The following ECPAS variants were observed in gnomAD, a reference collection of about 807,000 sequenced individuals.
ECPAS encodes Ecm29 proteasome adaptor and scaffold, also known as proteasome adapter and scaffold protein ECM29.
ECPAS carries 70 observed loss-of-function variants against 255.1 expected under a neutral mutation model. That is an observed-to-expected ratio of 0.27 (90% CI 0.23 to 0.33). The LOEUF (loss-of-function observed/expected upper bound fraction) is 0.33, where lower values mean the gene tolerates loss of function less well. Among genes scored for constraint, ECPAS ranks in the 10% least tolerant of loss-of-function variants. The pLI is 1.00. For synonymous variants in ECPAS, 784 were observed against 775.0 expected, an observed-to-expected ratio of 1.01 and a Z score of -0.19; for missense variants, 1,817 against 2,206.4, an observed-to-expected ratio of 0.82 and a Z score of 3.54.
At chr9:111,471,479 G>A (rs2098288080) in intron 2 of ECPAS, among the ~76,000 whole-genome samples, 2 of 152,086 alleles carry the variant, frequency 1.3e-5, no homozygotes, top group Non-Finnish European at 2.9e-5. Flanking sequence ...CCAAAACATA[G>A]TAGAATGCAT....
chr9:111,383,651 T>C (rs866131239), intron 34 of ECPAS, among the ~76,000 whole-genome samples: 3 of 152,200 alleles, frequency 2.0e-5, no homozygotes, highest in Non-Finnish European at 4.4e-5. Context: ...CTGGGTGCAG[T>C]AGCCGGCGCC....
chr9:111,474,454 TAA>T (rs1050999330), intron 1 of ECPAS, among the ~76,000 whole-genome samples: 2 of 152,218 alleles, frequency 1.3e-5, no homozygotes, highest in Non-Finnish European at 2.9e-5. Flanking sequence ...ACTCAGACCC[TAA>T]GTTTCTTTTT....
At chr9:111,432,446 T>A (rs1171124665) in intron 8 of ECPAS, among the ~76,000 whole-genome samples, 7 of 152,104 alleles carry the variant, frequency 4.6e-5, no homozygotes, top group African/African-American at 1.7e-4. Flanking sequence ...AAATCCCATT[T>A]CTACCAAAAA....
chr9:111,366,360 A>T (rs1388249407), intron 47 of ECPAS, 33 bp from the exon 48 acceptor site: 1 of 1,488,016 alleles, frequency 6.7e-7, no homozygotes, highest in Non-Finnish European at 9.2e-7. Flanking sequence ...TACAAATGCC[A>T]ATTATTAAGA....
intron 9 of ECPAS, among the ~76,000 whole-genome samples, chr9:111,428,457 C>CA (rs577179275): frequency 2.6e-5 from 4 of 151,678 alleles, no homozygotes; most frequent in African/African-American, 4.8e-5. Context: ...TTTTCCAAAG[C>CA]AAAAAAAATT....
intron 23 of ECPAS, among the ~76,000 whole-genome samples, chr9:111,409,408 A>T (rs539309349): frequency 6.6e-6 from 1 of 152,160 alleles, no homozygotes; most frequent in South Asian, 2.1e-4. Flanking sequence ...AAAAATACAA[A>T]AATTAGCTGG....
Position 111,385,318 on chromosome 9 carries a change from T to C in ECPAS, c.3633+19A>G, listed in dbSNP as rs1368522760. The C allele has an allele frequency of 6.2e-6, 7 of 1,134,388 alleles. No individual in the cohort carries two copies. Among genetic ancestry groups the C allele is most frequent in the Non-Finnish European group, 8.9e-6 (7 of 788,452 alleles). 70.3% of individuals were successfully genotyped at this position (1,134,388 alleles called of 1,614,324 possible). On this transcript the variant is annotated intron_variant, in intron 33 of 49. Coordinates refer to ENST00000684092, the MANE Select transcript of ECPAS (RefSeq NM_001364929.1). Reference sequence around the variant, plus strand: ...TTTAACTTTTTGTATATATAAATGCTGATTTATTTCTATAATACCTTGATA... The same window carrying C: ...TTTAACTTTTTGTATATATAAATGCCGATTTATTTCTATAATACCTTGATA...
intron 16 of ECPAS, among the ~76,000 whole-genome samples, chr9:111,418,645 G>C (rs1052069979): frequency 1.3e-5 from 2 of 152,186 alleles, no homozygotes; most frequent in African/African-American, 4.8e-5. Flanking sequence ...ATTTTCATTT[G>C]ACCTGAATGG....
At chr9:111,473,926 CACTGT>C (rs1438683048) in intron 1 of ECPAS, among the ~76,000 whole-genome samples, 1 of 152,090 alleles carries the variant, frequency 6.6e-6, no homozygotes, top group African/African-American at 2.4e-5. Context: ...GAAATCACAC[CACTGT>C]ACTTCAGCCT....
chr9:111,429,941 G>A (rs62569881), intron 9 of ECPAS, among the ~76,000 whole-genome samples: 6,499 of 152,236 alleles, frequency 0.043, 219 homozygotes, highest in South Asian at 0.17. Flanking sequence ...AAGAACTCAC[G>A]TTAGTAAGGC....
At chr9:111,393,426 A>G (rs1057318497) in intron 27 of ECPAS, among the ~76,000 whole-genome samples, 1 of 152,220 alleles carries the variant, frequency 6.6e-6, no homozygotes, top group African/African-American at 2.4e-5. Context: ...CCATTTTAAA[A>G]TGCAGAGTTG....
At chr9:111,452,696 CA>C (rs2098261883) in intron 2 of ECPAS, among the ~76,000 whole-genome samples, 1 of 152,106 alleles carries the variant, frequency 6.6e-6, no homozygotes, top group African/African-American at 2.4e-5. Flanking sequence ...ATAGATGGAT[CA>C]ATGACAGAGA....
chr9:111,445,102 C>T (rs7031574), intron 3 of ECPAS, among the ~76,000 whole-genome samples: 103,794 of 149,802 alleles, frequency 0.69, 36,337 homozygotes, highest in African/African-American at 0.8. Context: ...TTCAAGCAAT[C>T]CCCCTGCCTC....
At chr9:111,413,163 C>T (rs2098197414) in intron 20 of ECPAS, among the ~76,000 whole-genome samples, 1 of 152,186 alleles carries the variant, frequency 6.6e-6, no homozygotes, top group Non-Finnish European at 1.5e-5. Flanking sequence ...TCTGATACAG[C>T]TATTCCACTT....
chr9:111,440,345 C>G (rs748187482), intron 6 of ECPAS, 27 bp downstream of exon 6: 1 of 1,576,668 alleles, frequency 6.3e-7, no homozygotes, highest in Non-Finnish European at 8.6e-7. Flanking sequence ...CAGTCAAGAA[C>G]AAGGTTGCTT....
At chr9:111,459,830 A>C (rs935396770) in intron 2 of ECPAS, among the ~76,000 whole-genome samples, 8 of 152,286 alleles carry the variant, frequency 5.3e-5, no homozygotes, top group African/African-American at 1.9e-4. Flanking sequence ...TCCCCACACA[A>C]AAAAATGGCA....
chr9:111,397,764 G>A (rs1029128877), intron 24 of ECPAS, among the ~76,000 whole-genome samples: 4 of 152,100 alleles, frequency 2.6e-5, no homozygotes, highest in Non-Finnish European at 5.9e-5. Context: ...TTACTTTTAA[G>A]TGGCTCAGAA....
chr9:111,444,299 C>CA, intron 4 of ECPAS, 79 bp downstream of exon 4: 1 of 918,002 alleles, frequency 1.1e-6, no homozygotes, highest in Non-Finnish European at 1.7e-6. Flanking sequence ...CTAAACTTGC[C>CA]AATATGTTGA....
intron 18 of ECPAS, among the ~76,000 whole-genome samples, chr9:111,415,848 T>A (rs1215489600): frequency 6.6e-6 from 1 of 152,184 alleles, no homozygotes; most frequent in East Asian, 1.9e-4. Context: ...CCGAACAAGA[T>A]CACCTCTTGT....
Sources: gnomAD v4.1 joint callset for allele counts (sites outside exome capture counted in the v4.1 genomes callset) on GRCh38, gnomAD v4.1.1 for gene constraint, MANE v1.5 for transcripts, NCBI Gene and HGNC (gene_info 2026-07-23, HGNC 2026-07-21) for gene names.